C12orf42: variants seen among roughly 807,000 people sequenced by gnomAD.
C12orf42 encodes uncharacterized protein C12orf42.
In C12orf42, 25 loss-of-function variants were observed where a neutral mutation model predicts 21.6. The observed-to-expected ratio is 1.16, with a 90% CI of 0.84 to 1.62. The LOEUF (loss-of-function observed/expected upper bound fraction) is 1.62, where lower values mean the gene tolerates loss of function less well. Among genes scored for constraint, C12orf42 ranks in the 40% most tolerant of loss-of-function variants. The probability of loss-of-function intolerance (pLI) is 0.00; values close to 1 mark genes in which losing one functional copy is unlikely to be tolerated. For missense variants in C12orf42, 483 were observed against 459.3 expected, an observed-to-expected ratio of 1.05 and a Z score of -0.47; for synonymous variants, 174 against 175.0, an observed-to-expected ratio of 0.99 and a Z score of 0.05.
At chr12:103,433,429 G>A (rs747048578) in intron 2 of C12orf42, among the ~76,000 whole-genome samples, 1 of 152,222 alleles carries the variant, frequency 6.6e-6, no homozygotes, top group Admixed American at 6.5e-5. Context: ...CATATAAAAG[G>A]GGAAGAGGTA....
the C12orf42 span, chr12:103,161,682 T>C: frequency 2.6e-5 from 4 of 152,254 alleles, no homozygotes; most frequent in South Asian, 6.2e-4. Context: ...AAAATAAAAA[T>C]AGAATCTTAA....
At chr12:103,355,717 G>A (rs1388394813) in intron 4 of C12orf42, among the ~76,000 whole-genome samples, 1 of 151,962 alleles carries the variant, frequency 6.6e-6, no homozygotes, top group Admixed American at 6.6e-5. Context: ...CCTAGTTTGA[G>A]CACCATGACT....
chr12:103,420,872 T>C (rs1318823936), intron 2 of C12orf42, among the ~76,000 whole-genome samples: 1 of 152,242 alleles, frequency 6.6e-6, no homozygotes, highest in Non-Finnish European at 1.5e-5. Flanking sequence ...CATTGGATTA[T>C]TTGTGGTTAT....
chr12:103,198,640 G>A, the C12orf42 span, among the ~76,000 whole-genome samples: 1 of 152,198 alleles, frequency 6.6e-6, no homozygotes, highest in Non-Finnish European at 1.5e-5. Flanking sequence ...AAATGTCCAT[G>A]GGGTTCATGG....
the C12orf42 span, among the ~76,000 whole-genome samples, chr12:103,150,933 C>G: frequency 1.3e-5 from 2 of 152,020 alleles, no homozygotes; most frequent in African/African-American, 4.8e-5. Flanking sequence ...ATTAAAACAT[C>G]GGAAGGGAGT....
chr12:103,104,763 A>G, the C12orf42 span, among the ~76,000 whole-genome samples: 1 of 152,220 alleles, frequency 6.6e-6, no homozygotes, highest in Non-Finnish European at 1.5e-5. Flanking sequence ...GGAACAGAAA[A>G]CAAAGAAGAT....
At chr12:103,225,163 A>T in the C12orf42 span, among the ~76,000 whole-genome samples, 3 of 152,146 alleles carry the variant, frequency 2.0e-5, no homozygotes, top group South Asian at 2.1e-4. Context: ...CATCTTTAAG[A>T]TCAAGCATGG....
chr12:103,331,824 T>C (rs2041260794), intron 4 of C12orf42, among the ~76,000 whole-genome samples: 1 of 152,002 alleles, frequency 6.6e-6, no homozygotes, highest in Non-Finnish European at 1.5e-5. Context: ...ATAAGGAGGG[T>C]ATCTATAGTC....
the C12orf42 span, among the ~76,000 whole-genome samples, chr12:103,070,661 G>A: frequency 2.0e-5 from 3 of 151,958 alleles, no homozygotes; most frequent in South Asian, 2.1e-4. Flanking sequence ...TGTGCCAAGA[G>A]GATAAAGAAA....
the C12orf42 span, among the ~76,000 whole-genome samples, chr12:103,062,040 T>C: frequency 6.6e-6 from 1 of 152,042 alleles, no homozygotes; most frequent in Non-Finnish European, 1.5e-5. Context: ...TTTACATGCA[T>C]CATTGACTTG....
chr12:103,133,761 G>C, the C12orf42 span, among the ~76,000 whole-genome samples: 1 of 152,176 alleles, frequency 6.6e-6, no homozygotes, highest in Non-Finnish European at 1.5e-5. Flanking sequence ...TGTGGTGGAA[G>C]GGATGCTGTG....
At chr12:103,454,610 G>T (rs1952166087) in intron 2 of C12orf42, among the ~76,000 whole-genome samples, 2 of 152,102 alleles carry the variant, frequency 1.3e-5, no homozygotes, top group South Asian at 4.1e-4. Flanking sequence ...GACTTCATAA[G>T]AGTTGCTGAA....
intron 4 of C12orf42, chr12:103,368,045 C>A (rs2044783127): frequency 7.8e-7 from 1 of 1,281,810 alleles, no homozygotes; most frequent in Admixed American, 2.3e-5. Context: ...ACTTCATTAT[C>A]TCTTAGGTAG....
At chr12:103,062,091 T>G in the C12orf42 span, among the ~76,000 whole-genome samples, 1 of 151,978 alleles carries the variant, frequency 6.6e-6, no homozygotes, top group Non-Finnish European at 1.5e-5. Context: ...CACTTCCAAG[T>G]CAATGCTTAT....
the C12orf42 span, among the ~76,000 whole-genome samples, chr12:103,528,553 C>T: frequency 1.3e-5 from 2 of 152,136 alleles, no homozygotes; most frequent in Non-Finnish European, 2.9e-5. Flanking sequence ...CTCCAGAGAG[C>T]TGGCTGTTAA....
the C12orf42 span, among the ~76,000 whole-genome samples, chr12:103,154,143 C>G: frequency 1.3e-5 from 2 of 149,898 alleles, no homozygotes; most frequent in Admixed American, 1.3e-4. Flanking sequence ...TTATTGTTGA[C>G]AAATATCAAG....
intron 2 of C12orf42, among the ~76,000 whole-genome samples, chr12:103,435,794 T>A (rs562803556): frequency 6.6e-6 from 1 of 151,566 alleles, no homozygotes; most frequent in African/African-American, 2.4e-5. Flanking sequence ...CCGAAAGTGA[T>A]GGGGAGAATG....
At chr12:103,379,092 A>G (rs1192100376) in intron 3 of C12orf42, among the ~76,000 whole-genome samples, 3 of 151,860 alleles carry the variant, frequency 2.0e-5, no homozygotes, top group Non-Finnish European at 4.4e-5. Flanking sequence ...ATAGACAAAA[A>G]TCACAATTCT....
the C12orf42 span, among the ~76,000 whole-genome samples, chr12:103,214,664 A>T: frequency 6.6e-6 from 1 of 152,218 alleles, no homozygotes; most frequent in Non-Finnish European, 1.5e-5. Flanking sequence ...TTAGGGGGAA[A>T]CATCTCCATT....
Sources: gnomAD v4.1 joint callset for allele counts (sites outside exome capture counted in the v4.1 genomes callset) on GRCh38, gnomAD v4.1.1 for gene constraint, MANE v1.5 for transcripts, NCBI Gene and HGNC (gene_info 2026-07-23, HGNC 2026-07-21) for gene names.